MCTP1: variants seen among roughly 807,000 people sequenced by gnomAD.
The protein encoded by MCTP1 is multiple C2 and transmembrane domain containing 1.
Under a neutral mutation model 120.6 loss-of-function variants are expected in MCTP1, and 69 were observed. That is an observed-to-expected ratio of 0.57 (90% CI 0.47 to 0.70). The LOEUF (loss-of-function observed/expected upper bound fraction) is 0.70, where lower values mean the gene tolerates loss of function less well. MCTP1 is among the 30% of genes least tolerant of loss of function. MCTP1 has a pLI of 0.00. For synonymous variants in MCTP1, 529 were observed against 493.1 expected (o/e 1.07, Z -0.96); for missense variants, 1,203 against 1,248.8 (o/e 0.96, Z 0.55).
At chr5:95,077,919 T>C (rs1278562197) in intron 1 of MCTP1, among the ~76,000 whole-genome samples, 3 of 152,186 alleles carry the variant, frequency 2.0e-5, no homozygotes, top group African/African-American at 7.2e-5. Flanking sequence ...TCACATCTCA[T>C]ACATCATTCC....
chr5:94,881,665 C>T (rs1800113866), intron 12 of MCTP1, among the ~76,000 whole-genome samples: 1 of 151,980 alleles, frequency 6.6e-6, no homozygotes, highest in South Asian at 2.1e-4. Context: ...TTCAGTTTTC[C>T]AAATTATAAA....
intron 17 of MCTP1, among the ~76,000 whole-genome samples, chr5:94,801,989 C>T (rs1165720148): frequency 1.3e-5 from 2 of 152,230 alleles, no homozygotes; most frequent in Non-Finnish European, 2.9e-5. Flanking sequence ...ACACACACTT[C>T]TCATAAATGC....
rs111934693 is a variant in MCTP1, at chr5:95,084,248, T to A, written c.721-66764A>T. ...AAGAACATGTTACATTTAAAAAAAA[T>A]TTTAATATTTTTTATTTCCATATTT... On this transcript the variant is annotated intron_variant, in intron 1 of 22. Transcript: ENST00000515393. 4.0e-3 allele frequency among the ~76,000 whole-genome samples: 605 copies of A among 152,224 alleles called. 2 individuals carry two copies. Among genetic ancestry groups the A allele is most frequent in the African/African-American group, 9.9e-3 (413 of 41,548 alleles).
chr5:95,031,725 C>A (rs560442899), intron 1 of MCTP1, among the ~76,000 whole-genome samples: 75 of 152,108 alleles, frequency 4.9e-4, no homozygotes, highest in Non-Finnish European at 9.7e-4. Flanking sequence ...ATGACGGGAA[C>A]AAAATCTCAT....
chr5:95,170,833 C>T (rs1241122064), intron 1 of MCTP1, among the ~76,000 whole-genome samples: 1 of 152,150 alleles, frequency 6.6e-6, no homozygotes, highest in East Asian at 1.9e-4. Flanking sequence ...CTCCTGAAAA[C>T]AGCACACTGA....
At chr5:95,278,509 C>A (rs1760035781) in intron 1 of MCTP1, among the ~76,000 whole-genome samples, 1 of 152,002 alleles carries the variant, frequency 6.6e-6, no homozygotes, top group Admixed American at 6.5e-5. Context: ...TCACATTAAA[C>A]AAACAAACAA....
At chr5:94,999,290 G>A (rs1384261223) in intron 2 of MCTP1, among the ~76,000 whole-genome samples, 2 of 152,100 alleles carry the variant, frequency 1.3e-5, no homozygotes, top group Admixed American at 6.5e-5. Context: ...GCTAATTAAC[G>A]TCAGGTAAAT....
chr5:94,856,200 C>T (rs960274374), intron 17 of MCTP1, among the ~76,000 whole-genome samples: 3 of 151,656 alleles, frequency 2.0e-5, no homozygotes, highest in Non-Finnish European at 4.4e-5. Context: ...AAGAGGGCAG[C>T]AAATATTAAA....
intron 2 of MCTP1, among the ~76,000 whole-genome samples, chr5:95,002,639 G>T (rs913968806): frequency 6.6e-6 from 1 of 152,186 alleles, no homozygotes; most frequent in Non-Finnish European, 1.5e-5. Context: ...CATTTGGAAC[G>T]GGAGTATTTC....
intron 1 of MCTP1, among the ~76,000 whole-genome samples, chr5:95,228,610 T>A (rs1270101024): frequency 1.3e-5 from 2 of 152,140 alleles, no homozygotes; most frequent in Non-Finnish European, 2.9e-5. Context: ...ATGGTTTGGA[T>A]CTGTGTCTTT....
At position 94,898,988 on chromosome 5, in the gene MCTP1, AGAGAAC is replaced by A. The variant is rs1804797886; in HGVS notation, c.1653-4159_1653-4154del. ...TGCAATTCCACAAATCAAAAAGCTAAGAGAACAAAATTATCTTATAGGCAATGAAAT... is the reference window on the plus strand; with the variant it reads ...TGCAATTCCACAAATCAAAAAGCTAAAAAATTATCTTATAGGCAATGAAAT... On this transcript the variant is annotated intron_variant, in intron 10 of 22. Coordinates refer to ENST00000515393, the MANE Select transcript of MCTP1 (RefSeq NM_024717.7). Among the ~76,000 whole-genome samples the A allele has an allele frequency of 4.6e-5, 7 of 152,354 alleles. No individual in the cohort carries two copies. In the South Asian group the frequency reaches 1.2e-3, roughly 27 times the overall value.
intron 1 of MCTP1, among the ~76,000 whole-genome samples, chr5:95,270,909 G>A (rs996646973): frequency 3.9e-5 from 5 of 128,298 alleles, no homozygotes; most frequent in African/African-American, 1.3e-4. Context: ...TAGCCTGGGC[G>A]ACAGAGCAAG....
At chr5:94,959,067 C>G (rs1823451058) in intron 2 of MCTP1, among the ~76,000 whole-genome samples, 1 of 152,144 alleles carries the variant, frequency 6.6e-6, no homozygotes, top group Non-Finnish European at 1.5e-5. Flanking sequence ...AAAAGCTTAT[C>G]CACCACAATC....
intron 1 of MCTP1, among the ~76,000 whole-genome samples, chr5:95,176,501 G>A (rs1190101028): frequency 6.6e-6 from 1 of 152,086 alleles, no homozygotes; most frequent in Non-Finnish European, 1.5e-5. Flanking sequence ...CTCCAGCCTG[G>A]GCGACAAAGT....
intron 2 of MCTP1, among the ~76,000 whole-genome samples, chr5:94,956,760 G>C (rs940280853): frequency 5.9e-5 from 9 of 152,050 alleles, no homozygotes; most frequent in Non-Finnish European, 1.2e-4. Flanking sequence ...CAAGAAATAT[G>C]GGACTCTGTA....
intron 1 of MCTP1, among the ~76,000 whole-genome samples, chr5:95,226,809 G>A (rs1040870658): frequency 6.6e-6 from 1 of 151,836 alleles, no homozygotes; most frequent in Non-Finnish European, 1.5e-5. Flanking sequence ...TATCAAGATA[G>A]AGGTGAAGCA....
chr5:94,854,888 G>A (rs1308258683), intron 17 of MCTP1, among the ~76,000 whole-genome samples: 1 of 151,806 alleles, frequency 6.6e-6, no homozygotes, highest in Non-Finnish European at 1.5e-5. Context: ...AGTCCGACTA[G>A]GTCTAAGCCT....
At chr5:94,859,354 A>T (rs892161030) in intron 17 of MCTP1, among the ~76,000 whole-genome samples, 1 of 151,696 alleles carries the variant, frequency 6.6e-6, no homozygotes, top group African/African-American at 2.4e-5. Context: ...AAGTATAGCT[A>T]GATAGGAGGA....
intron 1 of MCTP1, 64 bp downstream of exon 1, chr5:95,283,792 G>A (rs908376666): frequency 1.1e-5 from 14 of 1,245,550 alleles, no homozygotes; most frequent in Non-Finnish European, 1.4e-5. Flanking sequence ...CCCGGGTGGT[G>A]AACGCCTGAA....
Sources: allele counts gnomAD v4.1 joint callset (sites outside exome capture counted in the v4.1 genomes callset), GRCh38; gene constraint gnomAD v4.1.1; transcripts MANE v1.5; gene names NCBI Gene and HGNC (gene_info 2026-07-23, HGNC 2026-07-21).